Variants in PTPRD observed in about 807,000 individuals in gnomAD.
PTPRD encodes the protein receptor-type tyrosine-protein phosphatase delta.
In PTPRD, 34 loss-of-function variants were observed where a neutral mutation model predicts 214.5. That is an observed-to-expected ratio of 0.16 (90% CI 0.12 to 0.21). The LOEUF (loss-of-function observed/expected upper bound fraction) is 0.21. PTPRD is among the 10% of genes least tolerant of loss of function. The probability of loss-of-function intolerance (pLI) is 1.00; values close to 1 mark genes in which losing one functional copy is unlikely to be tolerated. For synonymous variants in PTPRD, 1,128 were observed against 845.7 expected, an observed-to-expected ratio of 1.33 and a Z score of -5.79; for missense variants, 2,545 against 2,398.7, an observed-to-expected ratio of 1.06 and a Z score of -1.27.
intron 11 of PTPRD, among the ~76,000 whole-genome samples, chr9:8,899,177 T>C (rs1263663197): frequency 6.6e-6 from 1 of 152,162 alleles, no homozygotes; most frequent in African/African-American, 2.4e-5. Context: ...TAAAGCCATC[T>C]TGCATTTGCT....
chr9:9,065,283 G>A (rs753472997), intron 10 of PTPRD, among the ~76,000 whole-genome samples: 6 of 152,086 alleles, frequency 3.9e-5, no homozygotes, highest in Non-Finnish European at 7.4e-5. Flanking sequence ...GAGAGATCAG[G>A]GTACGCTTTG....
chr9:9,195,086 G>GTATATATACATATATA lies in PTPRD; in HGVS notation c.-202-11724_-202-11723insTATATATGTATATATA, dbSNP rs1554959657. Among the ~76,000 whole-genome samples the GTATATATACATATATA allele has an allele frequency of 5.3e-4, 70 of 131,188 alleles. No homozygotes were observed. The East Asian group carries it at 0.012, about 22-fold the overall frequency. 86.1% of individuals were successfully genotyped at this position (131,188 alleles called of 152,430 possible). ...CATATATACATATGTGTGTGTTTGTGTATATATATATATATATATATACAC... is the reference window on the plus strand; with the variant it reads ...CATATATACATATGTGTGTGTTTGTGTATATATACATATATATATATATATATATATATATATACAC... On this transcript the variant is annotated intron_variant, in intron 9 of 45. Coordinates refer to ENST00000381196, the MANE Select transcript of PTPRD (RefSeq NM_002839.4).
chr9:9,714,297 A>G (rs1281524603), intron 7 of PTPRD, among the ~76,000 whole-genome samples: 1 of 152,132 alleles, frequency 6.6e-6, no homozygotes, highest in Non-Finnish European at 1.5e-5. Flanking sequence ...CAGCAACAGG[A>G]ATGACTGCTC....
intron 3 of PTPRD, among the ~76,000 whole-genome samples, chr9:10,236,055 G>A (rs1465479450): frequency 6.6e-6 from 1 of 151,784 alleles, no homozygotes; most frequent in Admixed American, 6.6e-5. Context: ...TCTGACCCTT[G>A]AAAATGACCT....
Position 10,609,195 on chromosome 9 carries a change from A to G in PTPRD, c.-600+3203T>C, listed in dbSNP as rs573088237. ...TTGAAATAATGTTATTTGCTGCATT[A>G]AATGTGAGACATACATAGATAGTAG... On this transcript the variant is annotated intron_variant, in intron 2 of 45. Coordinates refer to ENST00000381196, the MANE Select transcript of PTPRD (RefSeq NM_002839.4). 4.2e-4 allele frequency among the ~76,000 whole-genome samples: 64 copies of G among 152,224 alleles called. No homozygotes were observed. The South Asian group carries it at 8.1e-3, about 19-fold the overall frequency.
chr9:8,749,670 C>A (rs7040177), intron 11 of PTPRD, among the ~76,000 whole-genome samples: 8,666 of 152,198 alleles, frequency 0.057, 612 homozygotes, highest in African/African-American at 0.17. Context: ...TGTAAACCAT[C>A]TACATTAAAG....
At position 9,795,448 on chromosome 9, in the gene PTPRD, A is replaced by T. The variant is rs1014110423; in HGVS notation, c.-367-28597T>A. Among the ~76,000 whole-genome samples the T allele has an allele frequency of 7.2e-5, 11 of 152,286 alleles. No individual in the cohort carries two copies. In the South Asian group the frequency reaches 8.3e-4, roughly 11 times the overall value. On this transcript the variant is annotated intron_variant, in intron 5 of 45. Coordinates refer to ENST00000381196, the MANE Select transcript of PTPRD (RefSeq NM_002839.4). ...CAAGGAAGCATTTGGATAGTGGAAA[A>T]AAACAAGGTTTGTATTTAAGGAACC...
At chr9:10,448,596 T>C (rs1198639182) in intron 2 of PTPRD, among the ~76,000 whole-genome samples, 1 of 152,030 alleles carries the variant, frequency 6.6e-6, no homozygotes, top group Non-Finnish European at 1.5e-5. Flanking sequence ...ACTTTACATG[T>C]ATGATTTGTA....
At chr9:9,701,897 C>A (rs1235147936) in intron 7 of PTPRD, among the ~76,000 whole-genome samples, 4 of 151,908 alleles carry the variant, frequency 2.6e-5, no homozygotes, top group Admixed American at 1.3e-4. Flanking sequence ...GGCGGGTGGA[C>A]CACCTGAGGT....
intron 11 of PTPRD, among the ~76,000 whole-genome samples, chr9:8,743,877 A>T (rs1411626354): frequency 1.3e-5 from 2 of 151,588 alleles, no homozygotes; most frequent in Non-Finnish European, 2.9e-5. Context: ...AAAATCTTCA[A>T]AATCCATACA....
chr9:8,565,940 T>A (rs934237498), intron 14 of PTPRD, among the ~76,000 whole-genome samples: 4 of 152,194 alleles, frequency 2.6e-5, no homozygotes, highest in Non-Finnish European at 5.9e-5. Flanking sequence ...ACAAATTTTA[T>A]GAGATTTCAG....
intron 2 of PTPRD, among the ~76,000 whole-genome samples, chr9:10,401,450 T>G (rs994386843): frequency 6.6e-6 from 1 of 150,944 alleles, no homozygotes; most frequent in African/African-American, 2.4e-5. Flanking sequence ...ACGGATAAAA[T>G]TGGTTCCTAT....
At chr9:9,240,629 T>TTA (rs1305979111) in intron 9 of PTPRD, among the ~76,000 whole-genome samples, 51 of 152,224 alleles carry the variant, frequency 3.4e-4, no homozygotes, top group South Asian at 6.2e-4. Flanking sequence ...CAATTAGGCT[T>TTA]ATTTGATATA....
intron 7 of PTPRD, among the ~76,000 whole-genome samples, chr9:9,636,161 T>G (rs1310388072): frequency 6.6e-6 from 1 of 152,164 alleles, no homozygotes; most frequent in Non-Finnish European, 1.5e-5. Context: ...AAACACTTTT[T>G]TGCCCACTCC....
chr9:8,709,407 C>T (rs1339121507), intron 12 of PTPRD, among the ~76,000 whole-genome samples: 34 of 148,742 alleles, frequency 2.3e-4, no homozygotes, highest in Non-Finnish European at 4.2e-4. Flanking sequence ...CCCAGCTACT[C>T]GGGAGGCTGA....
At chr9:8,638,103 C>CTTTTTTTTTT (rs963311950) in intron 12 of PTPRD, among the ~76,000 whole-genome samples, 1 of 127,034 alleles carries the variant, frequency 7.9e-6, no homozygotes, top group African/African-American at 2.9e-5. Context: ...GCTGTTCCTT[C>CTTTTTTTTTT]TTTTTTTTTT....
rs373719333 is a variant in PTPRD at position 9,309,708 on chromosome 9, A to T, written c.-203+87741T>A. 2.4e-4 allele frequency among the ~76,000 whole-genome samples: 36 copies of T among 152,304 alleles called. No individual in the cohort carries two copies. In the South Asian group the frequency reaches 7.2e-3, roughly 31 times the overall value. ...AAATTTTTGCAGAGAATATTTGAAA[A>T]GAATGGTACAACGTTATTCTGCTAA... On this transcript the variant is annotated intron_variant, in intron 9 of 45. Coordinates refer to ENST00000381196, the MANE Select transcript of PTPRD (RefSeq NM_002839.4).
intron 2 of PTPRD, among the ~76,000 whole-genome samples, chr9:10,399,870 C>T (rs1467243137): frequency 6.6e-6 from 1 of 151,610 alleles, no homozygotes; most frequent in Admixed American, 6.6e-5. Context: ...CTGGAGGATG[C>T]GTAGCTAAGA....
intron 3 of PTPRD, among the ~76,000 whole-genome samples, chr9:10,165,537 T>C (rs1011832149): frequency 1.3e-5 from 2 of 151,836 alleles, no homozygotes; most frequent in African/African-American, 4.8e-5. Flanking sequence ...GGCATTCTTA[T>C]ATATGACAAT....
Sources: allele counts gnomAD v4.1 joint callset (sites outside exome capture counted in the v4.1 genomes callset), GRCh38; gene constraint gnomAD v4.1.1; transcripts MANE v1.5; gene names NCBI Gene and HGNC (gene_info 2026-07-23, HGNC 2026-07-21).